The following COL6A6 variants were observed in gnomAD, a reference collection of about 807,000 sequenced individuals.
The protein encoded by COL6A6 is collagen alpha-6(VI) chain.
A neutral mutation model predicts 208.6 loss-of-function variants in COL6A6; 183 were observed. The ratio of observed to expected loss-of-function variants is 0.88; its 90% CI spans 0.78 to 0.99. The LOEUF (loss-of-function observed/expected upper bound fraction) is 0.99. Ranked by LOEUF, COL6A6 falls within the 50% of genes least tolerant of loss-of-function variation. The probability of loss-of-function intolerance (pLI) is 0.00; values close to 1 mark genes in which losing one functional copy is unlikely to be tolerated. For missense variants in COL6A6, 2,816 were observed against 2,815.2 expected (o/e 1.00, Z -0.01); for synonymous variants, 973 against 1,011.8 (o/e 0.96, Z 0.73).
intron 1 of COL6A6, among the ~76,000 whole-genome samples, chr3:130,543,918 TTTA>T (rs2062432881): frequency 6.6e-6 from 1 of 152,188 alleles, no homozygotes; most frequent in Admixed American, 6.5e-5. Context: ...TCTTCACTTT[TTTA>T]TTGTGTATTT....
At chr3:130,585,613 AAC>A (rs1351105316) in intron 10 of COL6A6, among the ~76,000 whole-genome samples, 9 of 152,212 alleles carry the variant, frequency 5.9e-5, no homozygotes, top group Non-Finnish European at 1.3e-4. Flanking sequence ...GTCCTTAACC[AAC>A]AGTTTTCTTT....
chr3:130,638,722 G>A (rs1025062395), intron 28 of COL6A6, among the ~76,000 whole-genome samples: 1 of 151,962 alleles, frequency 6.6e-6, no homozygotes. Flanking sequence ...ACAGTTCTGG[G>A]TTGGAATTAA....
rs534996022 is a variant in COL6A6, at chr3:130,560,386, C to G, written c.22C>G (p.Leu8Val). Reference sequence around the variant, plus strand: ...TAATATGATGTTGCTAATTTTGTTCCTCGTGATAATTTGTTCCCATATTTC... The same window carrying G: ...TAATATGATGTTGCTAATTTTGTTCGTCGTGATAATTTGTTCCCATATTTC... MMLLILFLVIICSHISVN... is the reference protein window; with the variant it reads MMLLILFVVIICSHISVN... Residue 8 changes from leucine (L) to valine (V), a missense_variant, in exon 2 of 37, where the codon CTC becomes GTC. Transcript: ENST00000358511. The G allele has an allele frequency of 6.2e-7, 1 of 1,610,104 alleles. No individual in the cohort carries two copies. The highest frequency in any genetic ancestry group is 1.1e-5 in the South Asian group (1 of 89,976).
At chr3:130,554,481 C>A (rs911600533) in intron 1 of COL6A6, among the ~76,000 whole-genome samples, 8 of 152,056 alleles carry the variant, frequency 5.3e-5, no homozygotes, top group Admixed American at 3.3e-4. Flanking sequence ...CTGGTGGGCA[C>A]GAGGCTGGTG....
chr3:130,662,824 A>C (rs2065970820), intron 35 of COL6A6, among the ~76,000 whole-genome samples: 1 of 152,176 alleles, frequency 6.6e-6, no homozygotes, highest in Non-Finnish European at 1.5e-5. Flanking sequence ...AGCCTTGCAA[A>C]ACTTTCTTAG....
chr3:130,600,478 A>G (rs1338756442), intron 20 of COL6A6, among the ~76,000 whole-genome samples: 3 of 152,258 alleles, frequency 2.0e-5, no homozygotes, highest in Non-Finnish European at 4.4e-5. Flanking sequence ...ATGCGCATCA[A>G]TGATAGACTG....
chr3:130,623,055 G>T (rs939383404), intron 24 of COL6A6, among the ~76,000 whole-genome samples: 1 of 152,146 alleles, frequency 6.6e-6, no homozygotes, highest in Non-Finnish European at 1.5e-5. Context: ...AAAGCCTGTG[G>T]TGAATCTATT....
chr3:130,661,566 CA>C, intron 34 of COL6A6, 70 bp from the exon 35 acceptor site: 1 of 1,276,856 alleles, frequency 7.8e-7, no homozygotes, highest in Non-Finnish European at 1.1e-6. Flanking sequence ...TTCCAAATGT[CA>C]AAATATTTGA....
chr3:130,536,270 T>G (rs575955563), intron 1 of COL6A6, among the ~76,000 whole-genome samples: 1 of 152,220 alleles, frequency 6.6e-6, no homozygotes, highest in Non-Finnish European at 1.5e-5. Context: ...TGTGAGTCCT[T>G]CTGTCCTTAC....
At chr3:130,666,291 T>C (rs1229330603) in intron 36 of COL6A6, among the ~76,000 whole-genome samples, 2 of 152,182 alleles carry the variant, frequency 1.3e-5, no homozygotes, top group East Asian at 3.8e-4. Context: ...TGGATGATAT[T>C]ATTGAATTAA....
chr3:130,524,727 T>C (rs544687655), intron 1 of COL6A6, among the ~76,000 whole-genome samples: 1 of 152,330 alleles, frequency 6.6e-6, no homozygotes, highest in African/African-American at 2.4e-5. Context: ...CAATAGATGT[T>C]CCTATGTCAT....
chr3:130,622,958 G>A (rs532259262), intron 24 of COL6A6, among the ~76,000 whole-genome samples: 2 of 152,164 alleles, frequency 1.3e-5, no homozygotes, highest in South Asian at 2.1e-4. Flanking sequence ...GCGGTGTGAA[G>A]GAAGGCACAA....
chr3:130,648,965 C>G, intron 32 of COL6A6, 104 bp from the exon 33 acceptor site: 1 of 893,286 alleles, frequency 1.1e-6, no homozygotes, highest in Non-Finnish European at 1.6e-6. Context: ...AAATTATTCT[C>G]TTTAAGTATT....
At chr3:130,558,182 T>A (rs1029402956) in intron 1 of COL6A6, among the ~76,000 whole-genome samples, 1 of 152,192 alleles carries the variant, frequency 6.6e-6, no homozygotes, top group Non-Finnish European at 1.5e-5. Context: ...AGTATGAAAA[T>A]CCTGGTCATA....
chr3:130,641,127 T>C (rs1021496786), intron 28 of COL6A6, among the ~76,000 whole-genome samples: 8 of 151,744 alleles, frequency 5.3e-5, no homozygotes, highest in African/African-American at 9.6e-5. Context: ...AAGAAGCAGC[T>C]GTGATAATAG....
intron 28 of COL6A6, among the ~76,000 whole-genome samples, chr3:130,638,699 A>C (rs57114953): frequency 1.5e-5 from 1 of 67,282 alleles, no homozygotes; most frequent in Non-Finnish European, 2.3e-5. Flanking sequence ...GATATTTTGG[A>C]TTGGATATTC....
chr3:130,542,131 ATTTT>A (rs151311125), intron 1 of COL6A6, among the ~76,000 whole-genome samples: 1,253 of 119,804 alleles, frequency 0.01, 9 homozygotes, highest in South Asian at 0.034. Flanking sequence ...GGTTTTGTTG[ATTTT>A]TTTTTTCTAT....
chr3:130,661,235 C>T (rs1351305425), intron 34 of COL6A6, among the ~76,000 whole-genome samples: 1 of 152,160 alleles, frequency 6.6e-6, no homozygotes, highest in Non-Finnish European at 1.5e-5. Context: ...AGCACTTCTT[C>T]ATAGTAGAAT....
chr3:130,570,503 T>A (rs1234320749), intron 6 of COL6A6, among the ~76,000 whole-genome samples: 2 of 152,214 alleles, frequency 1.3e-5, no homozygotes, highest in Non-Finnish European at 2.9e-5. Context: ...TACACAGAAT[T>A]GATTTTTTTA....
Sources: gnomAD v4.1 joint callset for allele counts (sites outside exome capture counted in the v4.1 genomes callset) on GRCh38, gnomAD v4.1.1 for gene constraint, MANE v1.5 for transcripts, NCBI Gene and HGNC (gene_info 2026-07-23, HGNC 2026-07-21) for gene names.